The following TYRO3 variants were observed in gnomAD, a reference collection of about 807,000 sequenced individuals.
TYRO3 encodes the protein tyrosine-protein kinase receptor TYRO3.
A neutral mutation model predicts 95.2 loss-of-function variants in TYRO3; 38 were observed. The ratio of observed to expected loss-of-function variants is 0.40; its 90% confidence interval spans 0.31 to 0.52. The LOEUF is 0.52. TYRO3 is among the 20% of genes least tolerant of loss of function. The probability of loss-of-function intolerance (pLI) is 0.56; values close to 1 mark genes in which losing one functional copy is unlikely to be tolerated. For synonymous variants in TYRO3, 367 were observed against 432.9 expected, an observed-to-expected ratio of 0.85 and a Z score of 1.89; for missense variants, 812 against 1,116.4, an observed-to-expected ratio of 0.73 and a Z score of 3.89.
chr15:41,576,517 C>T (rs1483595521), intron 18 of TYRO3, among the ~76,000 whole-genome samples: 1 of 151,832 alleles, frequency 6.6e-6, no homozygotes, highest in Non-Finnish European at 1.5e-5. Flanking sequence ...TTAGTAGACA[C>T]GGGGTTTCAT....
intron 5 of TYRO3, chr15:41,564,713 G>C (rs748214512): frequency 5.0e-6 from 2 of 399,380 alleles, no homozygotes; most frequent in Admixed American, 3.6e-5. Context: ...GCAGCTGCCT[G>C]TCTCTCCCTT....
chr15:41,565,216 C>T, intron 6 of TYRO3, 75 bp downstream of exon 6: 1 of 904,584 alleles, frequency 1.1e-6, no homozygotes, highest in Non-Finnish European at 1.8e-6. Flanking sequence ...ATCACACTCA[C>T]TAGCCAGCTC....
intron 18 of TYRO3, among the ~76,000 whole-genome samples, chr15:41,575,264 C>G (rs1188572548): frequency 6.6e-6 from 1 of 152,232 alleles, no homozygotes; most frequent in Non-Finnish European, 1.5e-5. Context: ...GGCCCTGGCC[C>G]TCCTGTTCAT....
intron 18 of TYRO3, among the ~76,000 whole-genome samples, chr15:41,576,408 G>T (rs904403566): frequency 3.3e-5 from 5 of 151,976 alleles, no homozygotes; most frequent in Middle Eastern, 3.4e-3. Context: ...GATCAGGCTG[G>T]TCTCAAACTC....
chr15:41,574,690 C>G, intron 18 of TYRO3: 2 of 455,766 alleles, frequency 4.4e-6, no homozygotes, highest in Middle Eastern at 3.5e-4. Context: ...CCAAGGGCTC[C>G]CTAGGCCTTC....
In TYRO3 at chr15:41,581,904, C is replaced by CAA. The variant is rs34207554; in HGVS notation, c.*3638_*3639dup. The CAA allele has an allele frequency of 6.0e-4, 82 of 137,330 alleles. 1 individual carries two copies. In the East Asian group the frequency reaches 9.9e-3, roughly 17 times the overall value. The allele number at this position is 137,330 out of a possible 1,614,324, so 8.5% of individuals were successfully genotyped here. A position where few individuals can be genotyped will look rare whatever the true frequency, so the allele number is the denominator to read the frequency against. On this transcript the variant is annotated 3_prime_UTR_variant, in exon 19 of 19. Transcript: ENST00000263798. ...CCCAGCGCTTTGGGATTTTCTGTCTCAAAAAAAAAAAGAGAGAGACTCTGG... is the reference window on the plus strand; with the variant it reads ...CCCAGCGCTTTGGGATTTTCTGTCTCAAAAAAAAAAAAAGAGAGAGACTCTGG...
At chr15:41,567,664 A>G (rs2055741505) in intron 7 of TYRO3, 127 bp downstream of exon 7, 13 of 762,026 alleles carry the variant, frequency 1.7e-5, no homozygotes, top group Non-Finnish European at 2.3e-5. Flanking sequence ...CATTTACTGC[A>G]TATAACTACA....
At chr15:41,564,067 TC>T in intron 4 of TYRO3, 116 bp from the exon 5 acceptor site, 1 of 963,114 alleles carries the variant, frequency 1.0e-6, no homozygotes, top group Non-Finnish European at 1.7e-6. Flanking sequence ...CCCAGCCCCT[TC>T]CTTTGGCAGG....
rs868746765 is a variant in TYRO3, at chr15:41,580,755, C to T, written c.*2479C>T. ...AATCAAGTCTCTTGTCTTGGCTTCCCGAGTAGTTGGGACTACAGGCACGAG... is the reference window on the plus strand; with the variant it reads ...AATCAAGTCTCTTGTCTTGGCTTCCTGAGTAGTTGGGACTACAGGCACGAG... On this transcript the variant is annotated 3_prime_UTR_variant, in exon 19 of 19. Coordinates refer to ENST00000263798, the MANE Select transcript of TYRO3 (RefSeq NM_006293.4). 3 of 151,960 alleles carry T rather than the reference C, an allele frequency of 2.0e-5. No homozygotes were observed. Among genetic ancestry groups the T allele is most frequent in the Admixed American group, 6.6e-5 (1 of 15,252 alleles). The allele number at this position is 151,960 out of a possible 1,614,324, so 9.4% of individuals were successfully genotyped here.
chr15:41,574,671 C>G (rs2055839486), intron 18 of TYRO3: 1 of 455,870 alleles, frequency 2.2e-6, no homozygotes, highest in South Asian at 1.5e-5. Flanking sequence ...CACTCCCACT[C>G]CATCCAAGCC....
intron 18 of TYRO3, chr15:41,574,707 C>T (rs942461854): frequency 2.2e-6 from 1 of 455,208 alleles, no homozygotes; most frequent in African/African-American, 2.0e-5. Context: ...CTTCAGACAA[C>T]CTTTTGTGAG....
intron 16 of TYRO3, 74 bp from the exon 17 acceptor site, chr15:41,573,234 G>A: frequency 1.3e-6 from 2 of 1,599,594 alleles, no homozygotes; most frequent in Non-Finnish European, 1.7e-6. Context: ...GAGCAAAGAT[G>A]CAAAGATGTC....
intron 14 of TYRO3, among the ~76,000 whole-genome samples, chr15:41,571,966 T>C (rs2055801522): frequency 6.6e-6 from 1 of 150,864 alleles, no homozygotes. Context: ...GAGACTAGCC[T>C]GGGCAGTATA....
chr15:41,578,070 G>A lies in TYRO3; in HGVS notation c.2467G>A (p.Gly823Ser). ...PTAGGSLELP[G>S]RDQPYSGAGD... ...TGCGGGAGGCAGCCTGGAGCTACCTGGCAGGGATCAGCCCTACAGTGGGGC... is the reference window on the plus strand; with the variant it reads ...TGCGGGAGGCAGCCTGGAGCTACCTAGCAGGGATCAGCCCTACAGTGGGGC... Residue 823 changes from glycine to serine, a missense_variant, in exon 19 of 19, where the codon GGC (glycine) becomes AGC (serine). Coordinates refer to ENST00000263798, the MANE Select transcript of TYRO3 (RefSeq NM_006293.4). 1 of 1,614,100 alleles carries A rather than the reference G, an allele frequency of 6.2e-7. No individual in the cohort carries two copies. The highest frequency in any genetic ancestry group is 8.5e-7 in the Non-Finnish European group (1 of 1,180,032).
At position 41,583,316 on chromosome 15, in the gene TYRO3, G is replaced by A. The variant is rs1056327087; in HGVS notation, c.*5040G>A. ...CGGCCCAGTTTTTAAGTGTTGTAGA[G>A]ATGGAGTCTTGCTTTGTTGCCCAGG... On this transcript the variant is annotated 3_prime_UTR_variant, in exon 19 of 19. Transcript: ENST00000263798. The A allele has an allele frequency of 6.6e-6, 1 of 152,152 alleles. No homozygotes were observed. The highest frequency in any genetic ancestry group is 2.1e-4 in the South Asian group (1 of 4,826). 9.4% of individuals were successfully genotyped at this position (152,152 alleles called of 1,614,324 possible).
At chr15:41,568,654 C>T (rs2055755577) in intron 8 of TYRO3, among the ~76,000 whole-genome samples, 1 of 152,138 alleles carries the variant, frequency 6.6e-6, no homozygotes, top group South Asian at 2.1e-4. Flanking sequence ...CTCCCATCCC[C>T]CACCTGTGCA....
intron 1 of TYRO3, among the ~76,000 whole-genome samples, chr15:41,560,391 G>GTA (rs1402175575): frequency 7.8e-6 from 1 of 128,204 alleles, no homozygotes; most frequent in East Asian, 2.2e-4. Flanking sequence ...AGAGGTGCGT[G>GTA]TATGTGTGTG....
chr15:41,572,883 C>A, intron 15 of TYRO3, 119 bp from the exon 16 acceptor site: 1 of 836,536 alleles, frequency 1.2e-6, no homozygotes, highest in East Asian at 2.7e-5. Context: ...CCTCCATCCC[C>A]TTCCTTCCTT....
intron 11 of TYRO3, 115 bp from the exon 12 acceptor site, chr15:41,570,489 C>T: frequency 7.3e-7 from 1 of 1,366,426 alleles, no homozygotes; most frequent in Admixed American, 1.8e-5. Flanking sequence ...ACCACCCCAG[C>T]CGTGGGAGAC....
Sources: allele counts gnomAD v4.1 joint callset (sites outside exome capture counted in the v4.1 genomes callset), GRCh38; gene constraint gnomAD v4.1.1; transcripts MANE v1.5; gene names NCBI Gene and HGNC (gene_info 2026-07-23, HGNC 2026-07-21).